TTC19: variants seen among roughly 807,000 people sequenced by gnomAD.
TTC19 encodes the protein tetratricopeptide repeat protein 19, mitochondrial.
In TTC19, 38 loss-of-function variants were observed where a neutral mutation model predicts 49.5. The observed-to-expected ratio is 0.77, with a 90% CI of 0.59 to 1.01. TTC19 has a LOEUF of 1.01. TTC19 is among the 50% of genes least tolerant of loss of function. The pLI, the probability that TTC19 is intolerant of heterozygous loss-of-function variation, is 0.00. For synonymous variants in TTC19, 204 were observed against 185.2 expected, an observed-to-expected ratio of 1.10 and a Z score of -0.83; for missense variants, 475 against 477.7, an observed-to-expected ratio of 0.99 and a Z score of 0.05.
chr17:16,036,855 AT>A (rs1293801325), intron 2 of TTC19, among the ~76,000 whole-genome samples: 1 of 152,172 alleles, frequency 6.6e-6, no homozygotes, highest in East Asian at 1.9e-4. Context: ...CTTTATTACC[AT>A]TTGTGTGTTC....
downstream of TTC19, chr17:16,032,546 CT>C: frequency 6.9e-7 from 1 of 1,455,308 alleles, no homozygotes; most frequent in South Asian, 1.4e-5. Context: ...TCCAATCCAA[CT>C]TTTGTAGGAT....
downstream of TTC19, chr17:16,031,330 G>A (rs1971947913): frequency 5.3e-6 from 1 of 189,836 alleles, no homozygotes; most frequent in South Asian, 1.9e-4. Context: ...TTCAAACTAA[G>A]GGAAAAATAT....
At chr17:16,015,857 TTATTA>T (rs1221876468) in intron 7 of TTC19, among the ~76,000 whole-genome samples, 5 of 152,180 alleles carry the variant, frequency 3.3e-5, no homozygotes, top group Non-Finnish European at 7.3e-5. Flanking sequence ...CTAATCTTAT[TTATTA>T]TATGATTTGG....
intron 3 of TTC19, among the ~76,000 whole-genome samples, chr17:16,002,353 T>C (rs1217958138): frequency 6.6e-6 from 1 of 152,098 alleles, no homozygotes; most frequent in Non-Finnish European, 1.5e-5. Context: ...AAATTTTGTA[T>C]TGTAGTAGAG....
chr17:16,025,307 T>A, intron 8 of TTC19, 136 bp downstream of exon 8: 3 of 903,372 alleles, frequency 3.3e-6, no homozygotes, highest in Non-Finnish European at 5.2e-6. Context: ...ACTCATTTTC[T>A]TATCACCAGC....
intron 2 of TTC19, among the ~76,000 whole-genome samples, chr17:16,036,395 G>A (rs1284776055): frequency 6.6e-6 from 1 of 152,158 alleles, no homozygotes; most frequent in African/African-American, 2.4e-5. Flanking sequence ...AAGTGGCCTA[G>A]GATTTTCAGA....
chr17:16,003,720 A>G (rs1287462380), intron 4 of TTC19, 111 bp from the exon 5 acceptor site: 5 of 969,122 alleles, frequency 5.2e-6, no homozygotes, highest in East Asian at 2.6e-5. Flanking sequence ...GTGTGGGTAT[A>G]TGGGTTTTAC....
intron 2 of TTC19, among the ~76,000 whole-genome samples, chr17:16,043,513 T>G (rs879778145): frequency 8.5e-5 from 13 of 152,244 alleles, no homozygotes; most frequent in Admixed American, 8.5e-4. Flanking sequence ...CTTCAGAGAA[T>G]AGAGACCATG....
intron 2 of TTC19, among the ~76,000 whole-genome samples, chr17:16,038,559 C>A (rs2056906111): frequency 6.6e-6 from 1 of 151,994 alleles, no homozygotes; most frequent in Non-Finnish European, 1.5e-5. Flanking sequence ...ACCTCGGCCC[C>A]CACAAGTAAC....
intron 7 of TTC19, among the ~76,000 whole-genome samples, chr17:16,017,153 CTACTA>C (rs1222057317): frequency 2.6e-5 from 4 of 152,084 alleles, no homozygotes; most frequent in African/African-American, 9.7e-5. Flanking sequence ...TTTATATTAT[CTACTA>C]TATCTTACCC....
chr17:16,039,821 C>G lies in TTC19; in HGVS notation c.248-4682C>G, dbSNP rs2057211675. Reference sequence around the variant, plus strand: ...CTTTTTTTTTGGAGACAGAGTCTCTCTCTGTCGCACCCAGGCTGGAGTGCA... The same window carrying G: ...CTTTTTTTTTGGAGACAGAGTCTCTGTCTGTCGCACCCAGGCTGGAGTGCA... On this transcript the variant is annotated intron_variant, in intron 2 of 2. Coordinates refer to the TTC19 transcript ENST00000470649. 3 of 625,536 alleles carry G rather than the reference C, an allele frequency of 4.8e-6. No individual in the cohort carries two copies. In the African/African-American group the frequency reaches 5.5e-5, roughly 12 times the overall value. 38.7% of individuals were successfully genotyped at this position (625,536 alleles called of 1,614,324 possible).
intron 2 of TTC19, among the ~76,000 whole-genome samples, chr17:16,041,922 G>C (rs1247581943): frequency 1.3e-5 from 2 of 151,974 alleles, no homozygotes; most frequent in Non-Finnish European, 2.9e-5. Context: ...ATTTTTAGTA[G>C]AGATGGGATT....
At chr17:16,015,093 A>G (rs1324470894) in intron 7 of TTC19, among the ~76,000 whole-genome samples, 2 of 152,162 alleles carry the variant, frequency 1.3e-5, no homozygotes, top group Non-Finnish European at 1.5e-5. Flanking sequence ...ATTATTTGTT[A>G]TCGCAGGATT....
downstream of TTC19, chr17:16,029,518 C>G (rs1251471814): frequency 4.0e-6 from 1 of 250,858 alleles, no homozygotes; most frequent in Non-Finnish European, 7.9e-6. Flanking sequence ...GGAAAACTGG[C>G]TGTCAGAATA....
At chr17:16,021,674 C>G (rs1213716766) in intron 7 of TTC19, among the ~76,000 whole-genome samples, 1 of 152,120 alleles carries the variant, frequency 6.6e-6, no homozygotes, top group Non-Finnish European at 1.5e-5. Flanking sequence ...AGGTACAAGA[C>G]TCTGAGGTGG....
At chr17:16,001,521 C>T (rs1970732572) in intron 2 of TTC19, among the ~76,000 whole-genome samples, 1 of 152,166 alleles carries the variant, frequency 6.6e-6, no homozygotes, top group Non-Finnish European at 1.5e-5. Context: ...TTAGAGGAGA[C>T]CCCTTATCAT....
chr17:16,026,773 G>A lies in TTC19; in HGVS notation c.994+71G>A, dbSNP rs35168566. Reference sequence around the variant, plus strand: ...GTCACTGGATTGATAGATTTGTGAAGTGGTATGTAGGGAGGGCAAGGGCCA... The same window carrying A: ...GTCACTGGATTGATAGATTTGTGAAATGGTATGTAGGGAGGGCAAGGGCCA... On this transcript the variant is annotated intron_variant, in intron 9 of 9. Transcript: ENST00000261647. 853,931 of 1,554,794 alleles carry A rather than the reference G, an allele frequency of 0.55. 239,437 individuals carry two copies. The highest frequency in any genetic ancestry group is 0.67 in the African/African-American group (49,561 of 73,658).
intron 3 of TTC19, 21 bp from the exon 4 acceptor site, chr17:16,002,772 C>T (rs1970781382): frequency 1.2e-6 from 2 of 1,612,914 alleles, no homozygotes; most frequent in South Asian, 1.1e-5. Context: ...AACTGAAAAA[C>T]AATTTGTAAT....
chr17:16,039,390 T>C, intron 2 of TTC19: 1 of 1,589,622 alleles, frequency 6.3e-7, no homozygotes, highest in Non-Finnish European at 8.6e-7. Context: ...AACTGGCTTT[T>C]TTGGGGAAAA....
Sources: gnomAD v4.1 joint callset for allele counts (sites outside exome capture counted in the v4.1 genomes callset) on GRCh38, gnomAD v4.1.1 for gene constraint, MANE v1.5 for transcripts, NCBI Gene and HGNC (gene_info 2026-07-23, HGNC 2026-07-21) for gene names.